UBXN7: variants seen among roughly 807,000 people sequenced by gnomAD.
UBXN7 encodes UBX domain protein 7.
A neutral mutation model predicts 58.0 loss-of-function variants in UBXN7; 9 were observed. That is an observed-to-expected ratio of 0.16 (90% CI 0.09 to 0.27). The LOEUF is 0.27. Among genes scored for constraint, UBXN7 ranks in the 10% least tolerant of loss-of-function variants. The pLI is 1.00. For synonymous variants in UBXN7, 208 were observed against 205.0 expected, an observed-to-expected ratio of 1.01 and a Z score of -0.12; for missense variants, 328 against 599.6, an observed-to-expected ratio of 0.55 and a Z score of 4.73.
At chr3:196,381,839 G>A (rs147579817) in intron 5 of UBXN7, among the ~76,000 whole-genome samples, 66 of 152,346 alleles carry the variant, frequency 4.3e-4, no homozygotes, top group African/African-American at 1.4e-3. Context: ...ACTTCGTGAC[G>A]CTTGCATAAG....
intron 10 of UBXN7, 31 bp downstream of exon 10, chr3:196,361,813 C>T (rs981924367): frequency 1.2e-5 from 19 of 1,592,516 alleles, no homozygotes; most frequent in African/African-American, 2.7e-5. Flanking sequence ...TTGCAGTGGT[C>T]GGAACTGAAC....
chr3:196,419,594 G>A (rs928711617), intron 1 of UBXN7, among the ~76,000 whole-genome samples: 2 of 152,172 alleles, frequency 1.3e-5, no homozygotes, highest in Non-Finnish European at 2.9e-5. Context: ...AGAAACAGGA[G>A]CTAACTGAAA....
At chr3:196,426,484 C>A (rs555097185) in intron 1 of UBXN7, among the ~76,000 whole-genome samples, 8 of 151,912 alleles carry the variant, frequency 5.3e-5, no homozygotes, top group Admixed American at 2.6e-4. Context: ...ACTGTGACCA[C>A]CTTTCCAGAC....
chr3:196,388,568 T>C (rs1729485734), intron 5 of UBXN7, among the ~76,000 whole-genome samples: 1 of 152,012 alleles, frequency 6.6e-6, no homozygotes, highest in African/African-American at 2.4e-5. Context: ...AATAAATATG[T>C]ATTGAGTGAA....
intron 3 of UBXN7, among the ~76,000 whole-genome samples, chr3:196,398,495 T>C (rs1209852087): frequency 6.6e-6 from 1 of 152,200 alleles, no homozygotes; most frequent in Non-Finnish European, 1.5e-5. Context: ...AATGGTTTCA[T>C]TACACAGTAT....
intron 5 of UBXN7, among the ~76,000 whole-genome samples, chr3:196,385,780 C>T (rs573380793): frequency 7.3e-5 from 11 of 150,948 alleles, no homozygotes; most frequent in African/African-American, 2.0e-4. Flanking sequence ...CCAGCCGCCC[C>T]GTCTGGGAAG....
chr3:196,414,494 A>G (rs1027672757), intron 1 of UBXN7, among the ~76,000 whole-genome samples: 4 of 151,826 alleles, frequency 2.6e-5, no homozygotes, highest in Admixed American at 6.6e-5. Context: ...CTCCCATGTT[A>G]TATCCCTCTA....
At chr3:196,367,342 C>T (rs4916427) in intron 8 of UBXN7, among the ~76,000 whole-genome samples, 35,547 of 152,060 alleles carry the variant, frequency 0.23, 5,987 homozygotes, top group East Asian at 0.83. Flanking sequence ...AACATGTCTA[C>T]CTAGTAATAG....
At position 196,386,139 on chromosome 3, in the gene UBXN7, G is replaced by A. The variant is rs187942766; in HGVS notation, c.468+5674C>T. On this transcript the variant is annotated intron_variant, in intron 5 of 10. Coordinates refer to ENST00000296328, the MANE Select transcript of UBXN7 (RefSeq NM_015562.2). The stretch of plus-strand genomic sequence containing the variant: ...ACTAAGGGTTAAATGGATGAAGGGC[G>A]GTGCAAGATGTGCTTTGTTAAACAG... Among the ~76,000 whole-genome samples, 1,455 of 152,050 alleles carry A rather than the reference G, an allele frequency of 9.6e-3. 19 individuals are homozygous for A. Among genetic ancestry groups the A allele is most frequent in the Middle Eastern group, 0.024 (7 of 294 alleles).
rs1728239412 is a variant in UBXN7 at position 196,352,472 on chromosome 3, C to T, written c.*4213G>A. On this transcript the variant is annotated 3_prime_UTR_variant, in exon 11 of 11. Transcript: ENST00000296328. This position sits in a 1 kb window ranked among gnomAD's most constrained non-coding sequence, Gnocchi z 4.1. ...TGTTGGCCAGGCTGATCTCGAACTC[C>T]CAACCTCAGGTGATCCACCCACCTC... 2 of 151,974 alleles carry T rather than the reference C, an allele frequency of 1.3e-5. No homozygotes were observed. The highest frequency in any genetic ancestry group is 4.8e-5 in the African/African-American group (2 of 41,372). The allele number at this position is 151,974 out of a possible 1,614,324, so 9.4% of individuals were successfully genotyped here.
chr3:196,424,383 ATT>A (rs869183431), intron 1 of UBXN7, among the ~76,000 whole-genome samples: 10,203 of 104,608 alleles, frequency 0.098, 528 homozygotes, highest in Middle Eastern at 0.17. Context: ...TCTTTTCCTA[ATT>A]TTTTTTTTTT....
chr3:196,392,606 C>G (rs995516493), intron 4 of UBXN7, among the ~76,000 whole-genome samples: 2 of 151,732 alleles, frequency 1.3e-5, no homozygotes, highest in African/African-American at 4.8e-5. Flanking sequence ...AGTTCAAGGC[C>G]AGCCTGGGCA....
intron 5 of UBXN7, 64 bp downstream of exon 5, chr3:196,391,749 T>TA: frequency 7.1e-6 from 9 of 1,265,912 alleles, no homozygotes; most frequent in African/African-American, 1.5e-5. Context: ...AGTAATTTTT[T>TA]AAAAAAAGGC....
intron 10 of UBXN7, among the ~76,000 whole-genome samples, chr3:196,358,344 G>A (rs542634051): frequency 6.6e-6 from 1 of 152,250 alleles, no homozygotes; most frequent in South Asian, 2.1e-4. Flanking sequence ...AGTCATTTCA[G>A]TTGGGTTTCT....
chr3:196,380,142 C>G (rs2056178675), intron 5 of UBXN7, among the ~76,000 whole-genome samples: 1 of 151,614 alleles, frequency 6.6e-6, no homozygotes, highest in African/African-American at 2.4e-5. Flanking sequence ...CCCAGCTACT[C>G]AGGAGGCTGA....
chr3:196,430,389 T>C (rs1205645246), intron 1 of UBXN7, among the ~76,000 whole-genome samples: 1 of 151,020 alleles, frequency 6.6e-6, no homozygotes, highest in Non-Finnish European at 1.5e-5. Flanking sequence ...TAATAATAAG[T>C]GGCTTTTTTT....
rs1728135566 is a variant in UBXN7 at position 196,348,453 on chromosome 3, C to T, written c.*8232G>A. 1 of 152,176 alleles carries T rather than the reference C, an allele frequency of 6.6e-6. No individual in the cohort carries two copies. 9.4% of individuals were successfully genotyped at this position (152,176 alleles called of 1,614,324 possible). A position where few individuals can be genotyped will look rare whatever the true frequency, so the allele number is the denominator to read the frequency against. On this transcript the variant is annotated 3_prime_UTR_variant, in exon 11 of 11. Transcript: ENST00000296328. ...TCTGTTATCTTCTTGGATTCAATCACAAATTTAGAGTACAGATGAAATTTA... is the reference window on the plus strand; with the variant it reads ...TCTGTTATCTTCTTGGATTCAATCATAAATTTAGAGTACAGATGAAATTTA...
At chr3:196,369,559 AC>A (rs1267009153) in intron 6 of UBXN7, 48 bp from the exon 7 acceptor site, 32 of 1,354,876 alleles carry the variant, frequency 2.4e-5, no homozygotes, top group Non-Finnish European at 3.3e-5. Context: ...TAAGAAAAGA[AC>A]CAACTATAAC....
At chr3:196,426,257 G>A (rs1177086319) in intron 1 of UBXN7, among the ~76,000 whole-genome samples, 1 of 151,654 alleles carries the variant, frequency 6.6e-6, no homozygotes, top group African/African-American at 2.4e-5. Context: ...GTCGTGACGC[G>A]CATCTGTGGT....
Sources: allele counts gnomAD v4.1 joint callset (sites outside exome capture counted in the v4.1 genomes callset), GRCh38; gene constraint gnomAD v4.1.1; non-coding constraint Gnocchi (gnomAD v3.1); transcripts MANE v1.5; gene names NCBI Gene and HGNC (gene_info 2026-07-23, HGNC 2026-07-21).